RGS6: variants seen among roughly 807,000 people sequenced by gnomAD.
RGS6 encodes the protein regulator of G-protein signaling 6.
A neutral mutation model predicts 78.5 loss-of-function variants in RGS6; 30 were observed. The observed-to-expected ratio is 0.38, with a 90% CI of 0.29 to 0.52. RGS6 has a LOEUF of 0.52. Ranked by LOEUF, RGS6 falls within the 20% of genes least tolerant of loss-of-function variation. The probability of loss-of-function intolerance (pLI) is 0.85; values close to 1 mark genes in which losing one functional copy is unlikely to be tolerated. For missense variants in RGS6, 495 were observed against 609.7 expected, an observed-to-expected ratio of 0.81 and a Z score of 1.98; for synonymous variants, 206 against 206.0, an observed-to-expected ratio of 1.00 and a Z score of 0.00.
chr14:72,191,978 G>T lies in RGS6; in HGVS notation c.85-160117G>T, dbSNP rs534815833. Among the ~76,000 whole-genome samples, 83 of 152,264 alleles carry T rather than the reference G, an allele frequency of 5.5e-4. 1 individual carries two copies. Among genetic ancestry groups the T allele is most frequent in the African/African-American group, 1.9e-3 (78 of 41,558 alleles). ...TAGGTGTCCTCAGGGTGGTGCGTGGGGGTCGTTAGTGTTTGTCCTTAGAAT... is the reference window on the plus strand; with the variant it reads ...TAGGTGTCCTCAGGGTGGTGCGTGGTGGTCGTTAGTGTTTGTCCTTAGAAT... On this transcript the variant is annotated intron_variant, in intron 2 of 17. Transcript: ENST00000553525.
intron 2 of RGS6, among the ~76,000 whole-genome samples, chr14:72,304,159 C>T (rs2066715492): frequency 6.7e-6 from 1 of 149,552 alleles, no homozygotes; most frequent in African/African-American, 2.6e-5. Flanking sequence ...CTGCTGTGGA[C>T]TGTAGCCCCT....
chr14:72,225,645 A>AG (rs2047956312), intron 2 of RGS6, among the ~76,000 whole-genome samples: 1 of 152,152 alleles, frequency 6.6e-6, no homozygotes, highest in Non-Finnish European at 1.5e-5. Flanking sequence ...CATTCGCTTT[A>AG]GGAAAAAGAA....
In RGS6 at chr14:71,973,962, G is replaced by A. The variant is rs528207363; in HGVS notation, c.84+9087G>A. On this transcript the variant is annotated intron_variant, in intron 2 of 17. Transcript: ENST00000553525. ...TTTTTAGTGTGGGGAATAGCTCAGTGTGGTTTCATATGATGCATTTTGATG... is the reference window on the plus strand; with the variant it reads ...TTTTTAGTGTGGGGAATAGCTCAGTATGGTTTCATATGATGCATTTTGATG... Among the ~76,000 whole-genome samples the A allele has an allele frequency of 1.0e-3, 152 of 152,304 alleles. 1 individual carries two copies. The highest frequency in any genetic ancestry group is 3.5e-3 in the African/African-American group (144 of 41,572).
At chr14:72,547,754 G>A (rs996882686) in intron 17 of RGS6, among the ~76,000 whole-genome samples, 2 of 152,162 alleles carry the variant, frequency 1.3e-5, no homozygotes, top group African/African-American at 4.8e-5. Context: ...CAGGGCAGCG[G>A]TTCTTCCATG....
At chr14:72,386,717 T>A (rs1057200958) in intron 3 of RGS6, among the ~76,000 whole-genome samples, 1 of 152,210 alleles carries the variant, frequency 6.6e-6, no homozygotes, top group African/African-American at 2.4e-5. Flanking sequence ...CACCATCCTA[T>A]TATCCTATTT....
intron 12 of RGS6, among the ~76,000 whole-genome samples, chr14:72,487,068 A>G (rs35573236): frequency 0.33 from 50,787 of 151,794 alleles, 8,847 homozygotes; most frequent in East Asian, 0.64. Context: ...GCAGACTGCT[A>G]AATGCCCAGG....
intron 1 of RGS6, among the ~76,000 whole-genome samples, chr14:71,955,238 C>T (rs554165631): frequency 7.2e-5 from 11 of 152,238 alleles, no homozygotes; most frequent in East Asian, 3.9e-4. Context: ...CACCTGAGCC[C>T]GGCTGGTGTG....
intron 12 of RGS6, among the ~76,000 whole-genome samples, chr14:72,492,508 A>T (rs1463864501): frequency 2.0e-5 from 3 of 152,190 alleles, no homozygotes; most frequent in African/African-American, 4.8e-5. Flanking sequence ...TCTAGTTTCT[A>T]TGACCCACTT....
chr14:72,073,486 T>C (rs965453226), intron 2 of RGS6, among the ~76,000 whole-genome samples: 1 of 152,198 alleles, frequency 6.6e-6, no homozygotes, highest in Non-Finnish European at 1.5e-5. Context: ...GACTCCAGAA[T>C]AGTGGGTGGT....
chr14:71,971,260 T>C (rs1197292343), intron 2 of RGS6, among the ~76,000 whole-genome samples: 3 of 152,188 alleles, frequency 2.0e-5, no homozygotes, highest in African/African-American at 7.2e-5. Context: ...CTGTGACCTC[T>C]GGGTTTCAGT....
chr14:72,217,959 G>A (rs1051583156), intron 2 of RGS6, among the ~76,000 whole-genome samples: 1 of 152,100 alleles, frequency 6.6e-6, no homozygotes, highest in East Asian at 1.9e-4. Flanking sequence ...GCTTGAAAAT[G>A]CAGCTTAAAA....
chr14:72,501,501 C>T (rs1244902579), intron 13 of RGS6, among the ~76,000 whole-genome samples: 2 of 152,140 alleles, frequency 1.3e-5, no homozygotes, highest in Non-Finnish European at 2.9e-5. Flanking sequence ...GGTGACAGAA[C>T]AAGACCCCTA....
chr14:72,397,877 A>C (rs1299742733), intron 3 of RGS6, among the ~76,000 whole-genome samples: 1 of 152,208 alleles, frequency 6.6e-6, no homozygotes, highest in East Asian at 1.9e-4. Flanking sequence ...ATGTTGAACC[A>C]GCCTTGCATC....
intron 2 of RGS6, among the ~76,000 whole-genome samples, chr14:72,206,242 A>T (rs1339150725): frequency 6.6e-6 from 1 of 152,100 alleles, no homozygotes; most frequent in Admixed American, 6.5e-5. Context: ...AGATGGGAGG[A>T]TCTTTTGAGG....
intron 1 of RGS6, among the ~76,000 whole-genome samples, chr14:71,945,600 G>T (rs961074432): frequency 5.3e-5 from 8 of 152,076 alleles, no homozygotes; most frequent in Admixed American, 3.3e-4. Context: ...TTGAAATATG[G>T]GGTCATCTGA....
intron 3 of RGS6, among the ~76,000 whole-genome samples, chr14:72,401,564 C>A (rs1316434188): frequency 1.3e-5 from 2 of 151,420 alleles, no homozygotes; most frequent in African/African-American, 4.9e-5. Context: ...CTCATGTGAC[C>A]CCAGGTCCCT....
intron 2 of RGS6, among the ~76,000 whole-genome samples, chr14:72,334,609 T>C (rs1228682628): frequency 1.3e-5 from 2 of 152,206 alleles, no homozygotes; most frequent in Non-Finnish European, 2.9e-5. Flanking sequence ...AAACACTTTT[T>C]TGCAGTAATG....
At chr14:72,030,199 A>G (rs2090617867) in intron 2 of RGS6, among the ~76,000 whole-genome samples, 1 of 152,218 alleles carries the variant, frequency 6.6e-6, no homozygotes, top group Non-Finnish European at 1.5e-5. Flanking sequence ...GTGCCAAACA[A>G]TAGCAACAAA....
the RGS6 span, among the ~76,000 whole-genome samples, chr14:72,574,537 C>T: frequency 2.0e-5 from 3 of 152,160 alleles, no homozygotes; most frequent in Non-Finnish European, 4.4e-5. Flanking sequence ...AGTCTATGAG[C>T]GCTTATTGAG....
Sources: gnomAD v4.1 joint callset for allele counts (sites outside exome capture counted in the v4.1 genomes callset) on GRCh38, gnomAD v4.1.1 for gene constraint, MANE v1.5 for transcripts, NCBI Gene and HGNC (gene_info 2026-07-23, HGNC 2026-07-21) for gene names.